ABHD14A: variants seen among roughly 807,000 people sequenced by gnomAD.
The protein encoded by ABHD14A is protein ABHD14A.
In ABHD14A, 19 loss-of-function variants were observed where a neutral mutation model predicts 27.0. The ratio of observed to expected loss-of-function variants is 0.70; its 90% CI spans 0.49 to 1.03. The LOEUF (loss-of-function observed/expected upper bound fraction) is 1.03, where lower values mean the gene tolerates loss of function less well. ABHD14A is among the 50% of genes least tolerant of loss of function. The probability of loss-of-function intolerance (pLI) is 0.00; values close to 1 mark genes in which losing one functional copy is unlikely to be tolerated. For missense variants in ABHD14A, 311 were observed against 344.6 expected (o/e 0.90, Z 0.77); for synonymous variants, 148 against 158.8 (o/e 0.93, Z 0.51).
intron 3 of ABHD14A, 175 bp from the exon 4 acceptor site, chr3:51,980,218 G>A (rs1240407068): frequency 9.7e-6 from 7 of 721,978 alleles, no homozygotes; most frequent in East Asian, 2.7e-5. Context: ...CACCACTCTC[G>A]GCCAAGATAT....
At chr3:51,975,510 C>G (rs549249693) in intron 1 of ABHD14A, among the ~76,000 whole-genome samples, 30 of 151,382 alleles carry the variant, frequency 2.0e-4, no homozygotes, top group African/African-American at 7.0e-4. Flanking sequence ...TTATGTCTTC[C>G]GAGTGTATTT....
chr3:51,977,654 T>G (rs1700813745), intron 1 of ABHD14A, among the ~76,000 whole-genome samples: 1 of 152,230 alleles, frequency 6.6e-6, no homozygotes, highest in Non-Finnish European at 1.5e-5. Context: ...AGAGAACACC[T>G]CAGATGCACC....
intron 3 of ABHD14A, chr3:51,980,183 A>G: frequency 1.5e-6 from 1 of 658,670 alleles, no homozygotes; most frequent in Non-Finnish European, 2.8e-6. Context: ...CGGCCTCCCA[A>G]AGTGCTGGGA....
rs891655897 is a variant in ABHD14A, at chr3:51,975,080, G to A, written c.-56G>A. On this transcript the variant is annotated 5_prime_UTR_variant, in exon 1 of 5. An upstream start codon of the reference 5' UTR is lost. Transcript: ENST00000273596. ...GCGGAGTGCGCAGGCGCGCCGAGAT[G>A]GCCGCGCTCCTGGCCGCCTAGAGCC... is the stretch of plus-strand genomic sequence containing the variant. 9 of 1,271,470 alleles carry A rather than the reference G, an allele frequency of 7.1e-6. No individual in the cohort carries two copies. Among genetic ancestry groups the A allele is most frequent in the African/African-American group, 4.7e-5 (3 of 64,336 alleles). 78.8% of individuals were successfully genotyped at this position (1,271,470 alleles called of 1,614,324 possible).
Position 51,975,128 on chromosome 3 carries a change from A to T in ABHD14A, c.-8A>T, listed in dbSNP as rs963818493. The T allele has an allele frequency of 1.5e-6, 2 of 1,292,034 alleles. No individual in the cohort carries two copies. Among genetic ancestry groups the T allele is most frequent in the Non-Finnish European group, 2.0e-6 (2 of 1,019,870 alleles). The allele number at this position is 1,292,034 out of a possible 1,614,324, so 80.0% of individuals were successfully genotyped here. Reference sequence around the variant, plus strand: ...GCCGGAGCGGCCCGCGGAGCTGCGGAGGCAGCCATGGTCGGGGCGCTGTGC... The same window carrying T: ...GCCGGAGCGGCCCGCGGAGCTGCGGTGGCAGCCATGGTCGGGGCGCTGTGC... On this transcript the variant is annotated 5_prime_UTR_variant, in exon 1 of 5. Coordinates refer to ENST00000273596, the MANE Select transcript of ABHD14A (RefSeq NM_015407.5).
chr3:51,980,431 G>C lies in ABHD14A; in HGVS notation c.436G>C (p.Glu146Gln). The part of the protein sequence containing the change: ...NSAPSKEAST[E>Q]AGRAALLERA... ...GGCACCTTCAAAGGAGGCAAGCACA[G>C]AGGCAGGGCGGGCAGCGCTGCTGGA... The change falls in exon 4 of 5, where the codon GAG (glutamate) becomes CAG (glutamine). Residue 146 changes from glutamate (E) to glutamine (Q), a missense_variant. Transcript: ENST00000273596. The C allele has an allele frequency of 6.2e-7, 1 of 1,613,852 alleles. No individual in the cohort carries two copies. The highest frequency in any genetic ancestry group is 8.5e-7 in the Non-Finnish European group (1 of 1,180,034).
rs145922036 is a variant in ABHD14A at position 51,978,310 on chromosome 3, G to T, written c.333G>T (p.Glu111Asp). The T allele has an allele frequency of 1.1e-4, 163 of 1,551,848 alleles. No homozygotes were observed. Among genetic ancestry groups the T allele is most frequent in the Non-Finnish European group, 1.2e-4 (138 of 1,147,020 alleles). ...AGGCCTTTAACTCTCACACGTGGGA[G>T]CAGCTGGGCACACTGCAGCTACTGT... is the stretch of plus-strand genomic sequence containing the variant. ...HGKAFNSHTW[E>D]QLGTLQLLSQ... Residue 111 changes from glutamate to aspartate, a missense_variant, in exon 3 of 5, where the codon GAG (glutamate) becomes GAT (aspartate). Coordinates refer to ENST00000273596, the MANE Select transcript of ABHD14A (RefSeq NM_015407.5).
In ABHD14A at chr3:51,977,829, G is replaced by A. The variant is rs373026027; in HGVS notation, c.70-42G>A. The A allele has an allele frequency of 1.0e-5, 16 of 1,560,780 alleles. No homozygotes were observed. In the African/African-American group the frequency reaches 1.9e-4, roughly 18 times the overall value. ...GGATGGGATCCAGGGTCCTTGTAGG[G>A]ACTCAGTTCCAGCCTCTTTTCCCTC... On this transcript the variant is annotated intron_variant, in intron 1 of 4. Transcript: ENST00000273596.
intron 3 of ABHD14A, 50 bp downstream of exon 3, chr3:51,978,424 G>A: frequency 6.9e-7 from 1 of 1,447,724 alleles, no homozygotes; most frequent in Non-Finnish European, 9.5e-7. Flanking sequence ...GTGGCTGGGA[G>A]GCAACTGGAC....
rs1265615519 is a variant in ABHD14A at position 51,978,343 on chromosome 3, G to C, written c.366G>C (p.Arg122Ser). The C allele has an allele frequency of 3.9e-6, 6 of 1,551,548 alleles. No homozygotes were observed. Among genetic ancestry groups the C allele is most frequent in the Non-Finnish European group, 1.7e-6 (2 of 1,146,954 alleles). The change falls in exon 3 of 5, where the codon AGG becomes AGC. Residue 122 changes from arginine to serine, a missense_variant. Physicochemically the swap from Arg to Ser is moderately radical, Grantham distance 110. Transcript: ENST00000273596. ...GCACACTGCAGCTACTGTCACAGAG[G>C]GGCTACCGGGCCGTGGCCCTTGACC... The part of the protein sequence containing the change: ...QLGTLQLLSQ[R>S]GYRAVALDLP...
rs1264728344 is a variant in ABHD14A at position 51,977,880 on chromosome 3, C to G, written c.79C>G (p.Gln27Glu). Residue 27 changes from glutamine (Q) to glutamate (E), a missense_variant, in exon 2 of 5, where the codon CAG (glutamine) becomes GAG (glutamate). Gln to Glu is a conservative substitution (Grantham distance 29). Transcript: ENST00000273596. Reference protein sequence around the residue: ...PLIPLGPTVVQTSMSRSQVAL... With the variant: ...PLIPLGPTVVETSMSRSQVAL... ...TCCTCTCCCTCTCCAGACTGTGGTA[C>G]AGACCTCCATGAGCCGGTCCCAGGT... The G allele has an allele frequency of 6.2e-7, 1 of 1,613,424 alleles. No individual in the cohort carries two copies. The highest frequency in any genetic ancestry group is 1.3e-5 in the African/African-American group (1 of 74,940).
At position 51,978,071 on chromosome 3, in the gene ABHD14A, C is replaced by G. The variant is rs138579410; in HGVS notation, c.270C>G (p.Asn90Lys). The G allele has an allele frequency of 3.1e-6, 5 of 1,613,668 alleles. No individual in the cohort carries two copies. The highest frequency in any genetic ancestry group is 4.2e-6 in the Non-Finnish European group (5 of 1,179,894). The change falls in exon 2 of 5, where the codon AAC becomes AAG. Residue 90 changes from asparagine to lysine, a missense_variant. Transcript: ENST00000273596. ...PIFYREVLPL[N>K]QAHRVEVVLL... The stretch of plus-strand genomic sequence containing the variant: ...TTTACCGCGAGGTGCTCCCACTCAA[C>G]CAGGCACACAGGTAGGTGCTGCTCC...
chr3:51,975,314 T>A, intron 1 of ABHD14A, 110 bp downstream of exon 1: 1 of 1,066,718 alleles, frequency 9.4e-7, no homozygotes, highest in South Asian at 4.4e-5. Context: ...AAGCAGACGC[T>A]GGGGCCGCGA....
Position 51,980,490 on chromosome 3 carries a change from C to T in ABHD14A, c.495C>T (p.Ala165=), listed in dbSNP as rs151286462. 6.2e-6 allele frequency: 10 copies of T among 1,613,840 alleles called. No individual in the cohort carries two copies. Among genetic ancestry groups the T allele is most frequent in the African/African-American group, 2.7e-5 (2 of 74,920 alleles). ...RALRDLEVQN[A]VLVSPSLSGH... ...TGCGGGACCTGGAGGTACAGAATGC[C>T]GTGTTGGTGAGCCCCTCGCTGAGTG... is the stretch of plus-strand genomic sequence containing the variant. Residue 165 remains alanine, a synonymous_variant, in exon 4 of 5, where the codon GCC becomes GCT. Coordinates refer to ENST00000273596, the MANE Select transcript of ABHD14A (RefSeq NM_015407.5).
chr3:51,980,208 C>T, intron 3 of ABHD14A, 185 bp from the exon 4 acceptor site: 2 of 706,044 alleles, frequency 2.8e-6, no homozygotes, highest in South Asian at 3.0e-5. Context: ...AGGCGTGAGC[C>T]ACCACTCTCG....
At position 51,980,893 on chromosome 3, in the gene ABHD14A, C is replaced by T. The variant is rs761452635; in HGVS notation, c.691C>T (p.Arg231Trp). The change falls in exon 5 of 5, where the codon CGG becomes TGG. Residue 231 changes from arginine (R) to tryptophan (W), a missense_variant. Transcript: ENST00000273596. ...CCACATCCTGGCTCGAGAGTCACTG[C>T]GGCAGCTCCGCCACCTGCCCAACCA... ...LDHILARESL[R>W]QLRHLPNHSV... is the part of the protein sequence containing the mutation. 1.4e-5 allele frequency: 22 copies of T among 1,614,126 alleles called. 1 individual carries two copies. In the East Asian group the frequency reaches 2.0e-4, roughly 15 times the overall value.
chr3:51,980,372 G>T lies in ABHD14A; in HGVS notation c.398-21G>T, dbSNP rs748894822. 7.4e-6 allele frequency: 12 copies of T among 1,612,140 alleles called. No homozygotes were observed. The South Asian group carries it at 1.2e-4, about 16-fold the overall frequency. Reference sequence around the variant, plus strand: ...TGCCCCTTCCCAGTGCCCCTCAGCTGGTACCTGCTGCTGTTCCTAGGTTTT... The same window carrying T: ...TGCCCCTTCCCAGTGCCCCTCAGCTTGTACCTGCTGCTGTTCCTAGGTTTT... On this transcript the variant is annotated intron_variant, in intron 3 of 4. Transcript: ENST00000273596.
chr3:51,975,084 G>A lies in ABHD14A; in HGVS notation c.-52G>A. Reference sequence around the variant, plus strand: ...AGTGCGCAGGCGCGCCGAGATGGCCGCGCTCCTGGCCGCCTAGAGCCGGAG... The same window carrying A: ...AGTGCGCAGGCGCGCCGAGATGGCCACGCTCCTGGCCGCCTAGAGCCGGAG... On this transcript the variant is annotated 5_prime_UTR_variant, in exon 1 of 5. Coordinates refer to ENST00000273596, the MANE Select transcript of ABHD14A (RefSeq NM_015407.5). 1 of 1,271,964 alleles carries A rather than the reference G, an allele frequency of 7.9e-7. No individual in the cohort carries two copies. 78.8% of individuals were successfully genotyped at this position (1,271,964 alleles called of 1,614,324 possible).
intron 3 of ABHD14A, chr3:51,978,953 T>C: frequency 3.3e-6 from 1 of 304,484 alleles, no homozygotes; most frequent in Non-Finnish European, 7.1e-6. Context: ...ACAAATGATT[T>C]ATGCTATCAT....
Sources: gnomAD v4.1 joint callset for allele counts (sites outside exome capture counted in the v4.1 genomes callset) on GRCh38, gnomAD v4.1.1 for gene constraint, MANE v1.5 for transcripts, NCBI Gene and HGNC (gene_info 2026-07-23, HGNC 2026-07-21) for gene names.